Variants in FAM185A observed in about 807,000 individuals in gnomAD.
The protein encoded by FAM185A is protein FAM185A.
In FAM185A, 21 loss-of-function variants were observed where a neutral mutation model predicts 45.7. That is an observed-to-expected ratio of 0.46 (90% CI 0.33 to 0.66). The LOEUF is 0.66. Ranked by LOEUF, FAM185A falls within the 30% of genes least tolerant of loss-of-function variation. The pLI is 0.03. For missense variants in FAM185A, 305 were observed against 485.4 expected (o/e 0.63, Z 3.49); for synonymous variants, 117 against 194.0 (o/e 0.60, Z 3.30).
chr7:102,813,155 A>C (rs1797550301), downstream of FAM185A: 1 of 626,244 alleles, frequency 1.6e-6, no homozygotes, highest in South Asian at 2.5e-5. Context: ...TCTTTTTTAA[A>C]TCATGATTAT....
chr7:102,758,230 A>G (rs1486242347), intron 3 of FAM185A, among the ~76,000 whole-genome samples: 1 of 152,152 alleles, frequency 6.6e-6, no homozygotes, highest in East Asian at 1.9e-4. Context: ...TTTTATTTTT[A>G]TCATCATAGA....
chr7:102,766,229 C>T (rs560334493), intron 4 of FAM185A, among the ~76,000 whole-genome samples: 675 of 152,296 alleles, frequency 4.4e-3, no homozygotes, highest in South Asian at 0.016. Flanking sequence ...TGTTATGATC[C>T]GGAACAGTGA....
the FAM185A span, chr7:102,822,319 A>G: frequency 1.0e-6 from 1 of 963,710 alleles, no homozygotes; most frequent in Non-Finnish European, 1.6e-6. Flanking sequence ...CTTAAACATC[A>G]AACATTTATT....
chr7:102,826,075 CAA>C, the FAM185A span, among the ~76,000 whole-genome samples: 13 of 152,106 alleles, frequency 8.5e-5, no homozygotes, highest in Admixed American at 7.2e-4. Flanking sequence ...CCTCTTTATA[CAA>C]AAGAGAACTT....
chr7:102,792,901 C>T (rs1489001556), intron 7 of FAM185A, among the ~76,000 whole-genome samples: 1 of 152,192 alleles, frequency 6.6e-6, no homozygotes, highest in Non-Finnish European at 1.5e-5. Context: ...GGACTAAGCT[C>T]ATAAGATGCC....
At chr7:102,806,303 G>T (rs1351577863) in intron 7 of FAM185A, among the ~76,000 whole-genome samples, 1 of 152,122 alleles carries the variant, frequency 6.6e-6, no homozygotes, top group Non-Finnish European at 1.5e-5. Flanking sequence ...TCCTACCTCA[G>T]CCTCCCAAGT....
chr7:102,766,784 GTTTT>G (rs144093924), intron 4 of FAM185A, among the ~76,000 whole-genome samples: 3 of 150,594 alleles, frequency 2.0e-5, no homozygotes, highest in Non-Finnish European at 3.0e-5. Context: ...TGTTTTTTTT[GTTTT>G]TTTTGTTTTG....
chr7:102,767,089 C>T (rs568170135), intron 4 of FAM185A, among the ~76,000 whole-genome samples: 47 of 152,020 alleles, frequency 3.1e-4, no homozygotes, highest in Admixed American at 2.2e-3. Flanking sequence ...AGCCACCGCA[C>T]CTGGCCACAA....
chr7:102,849,422 G>A, the FAM185A span, among the ~76,000 whole-genome samples: 1 of 152,084 alleles, frequency 6.6e-6, no homozygotes, highest in Admixed American at 6.5e-5. Context: ...TTCTTATTAT[G>A]TTCACAACTC....
chr7:102,819,624 A>G, the FAM185A span, among the ~76,000 whole-genome samples: 1 of 152,198 alleles, frequency 6.6e-6, no homozygotes, highest in African/African-American at 2.4e-5. Flanking sequence ...TTTCATGTTC[A>G]AAATGGAATC....
At chr7:102,836,791 GACTGTCACAATAATGTGCT>G in the FAM185A span, among the ~76,000 whole-genome samples, 2,130 of 152,268 alleles carry the variant, frequency 0.014, 115 homozygotes, top group East Asian at 0.16. Context: ...CACATTTATT[GACTGTCACAATAATGTGCT>G]TCTGCCAAAA....
the FAM185A span, among the ~76,000 whole-genome samples, chr7:102,821,078 G>A: frequency 6.4e-4 from 97 of 152,294 alleles, no homozygotes; most frequent in Admixed American, 1.4e-3. Context: ...TGAGTAACAC[G>A]TTATTCATTC....
At chr7:102,826,970 G>A in the FAM185A span, 8 of 316,928 alleles carry the variant, frequency 2.5e-5, no homozygotes. Flanking sequence ...TTATTTGTGA[G>A]AATGTAGCTG....
intron 7 of FAM185A, among the ~76,000 whole-genome samples, chr7:102,788,161 G>A (rs1037726186): frequency 5.9e-5 from 9 of 152,046 alleles, no homozygotes; most frequent in Admixed American, 2.0e-4. Context: ...TAGAGACAGG[G>A]TTTTACCATG....
chr7:102,808,383 C>A lies in FAM185A; in HGVS notation c.1160C>A (p.Ser387Tyr). The A allele has an allele frequency of 6.5e-7, 1 of 1,545,132 alleles. No individual in the cohort carries two copies. The highest frequency in any genetic ancestry group is 1.4e-5 in the African/African-American group (1 of 73,034). ...VSFRRQSWFQ[S>Y]LKLQD Reference sequence around the variant, plus strand: ...TTTAGAAGGCAAAGTTGGTTTCAGTCCCTGAAACTGCAGGACTAAAACTGA... The same window carrying A: ...TTTAGAAGGCAAAGTTGGTTTCAGTACCTGAAACTGCAGGACTAAAACTGA... The change falls in exon 8 of 8, where the codon TCC becomes TAC. Residue 387 changes from serine (S) to tyrosine (Y), a missense_variant. By Grantham distance (144) the Ser-to-Tyr change is moderately radical. This residue lies in a region of FAM185A where 66 missense variants were observed against 74.6 expected (regional missense o/e 0.89). Coordinates refer to ENST00000413034, the MANE Select transcript of FAM185A (RefSeq NM_001145268.2).
chr7:102,772,392 C>A lies in FAM185A; in HGVS notation c.794-17C>A, dbSNP rs1259984807. 5.9e-6 allele frequency: 9 copies of A among 1,523,188 alleles called. No homozygotes were observed. The South Asian group carries it at 7.4e-5, about 12-fold the overall frequency. 94.4% of individuals were successfully genotyped at this position (1,523,188 alleles called of 1,614,324 possible). On this transcript the variant is annotated splice_polypyrimidine_tract_variant and intron_variant, in intron 4 of 7. Coordinates refer to ENST00000413034, the MANE Select transcript of FAM185A (RefSeq NM_001145268.2). ...GATTGTCTCTAGTACATAAAAGTAT[C>A]TTTTTCTTTTTGGCAGGTAATATAA...
At chr7:102,758,105 A>G (rs1383155920) in intron 3 of FAM185A, among the ~76,000 whole-genome samples, 159 bp downstream of exon 3, 2 of 151,702 alleles carry the variant, frequency 1.3e-5, no homozygotes. Context: ...GTGATGAAAT[A>G]ATATACAACT....
At chr7:102,834,380 T>TTATA in the FAM185A span, among the ~76,000 whole-genome samples, 307 of 145,310 alleles carry the variant, frequency 2.1e-3, 2 homozygotes, top group African/African-American at 7.1e-3. Flanking sequence ...TATATATAAA[T>TTATA]TATATATATA....
chr7:102,837,735 G>A, the FAM185A span, among the ~76,000 whole-genome samples: 1 of 152,104 alleles, frequency 6.6e-6, no homozygotes, highest in East Asian at 1.9e-4. Context: ...TAGAGACAGG[G>A]TCTCACTATG....
Sources: gnomAD v4.1 joint callset for allele counts (sites outside exome capture counted in the v4.1 genomes callset) on GRCh38, gnomAD v4.1.1 for gene constraint, gnomAD v4.1.1 regional missense constraint, MANE v1.5 for transcripts, NCBI Gene and HGNC (gene_info 2026-07-23, HGNC 2026-07-21) for gene names.